SEPTIN11: variants seen among roughly 807,000 people sequenced by gnomAD.
SEPTIN11 encodes septin-11.
SEPTIN11 carries 25 observed loss-of-function variants against 51.4 expected under a neutral mutation model. The observed-to-expected ratio is 0.49, with a 90% CI of 0.35 to 0.68. The LOEUF is 0.68. SEPTIN11 is among the 30% of genes least tolerant of loss of function. SEPTIN11 has a pLI of 0.00. For missense variants in SEPTIN11, 381 were observed against 520.8 expected (o/e 0.73, Z 2.61); for synonymous variants, 174 against 184.1 (o/e 0.95, Z 0.44).
chr4:76,974,525 T>C (rs2109906200), intron 1 of SEPTIN11: 1 of 322,710 alleles, frequency 3.1e-6, no homozygotes, highest in Non-Finnish European at 6.1e-6. Flanking sequence ...TTAAGACCCA[T>C]AGGCTCAGAA....
At chr4:76,980,803 T>G (rs531343210) in intron 1 of SEPTIN11, among the ~76,000 whole-genome samples, 2 of 152,340 alleles carry the variant, frequency 1.3e-5, no homozygotes, top group South Asian at 4.1e-4. Context: ...GATCAGTGCC[T>G]AAGATTTTTG....
chr4:76,950,017 G>T, intron 1 of SEPTIN11, 87 bp downstream of exon 1: 1 of 1,193,204 alleles, frequency 8.4e-7, no homozygotes, highest in Non-Finnish European at 1.0e-6. Flanking sequence ...CAGGGGAGCC[G>T]GGCGGGTGCT....
chr4:76,987,779 C>G, intron 1 of SEPTIN11: 1 of 895,836 alleles, frequency 1.1e-6, no homozygotes, highest in African/African-American at 1.8e-5. Context: ...GTGTGCGAGA[C>G]AGCATGTTCT....
chr4:77,026,669 T>C (rs1274258346), intron 7 of SEPTIN11, among the ~76,000 whole-genome samples: 2 of 152,232 alleles, frequency 1.3e-5, no homozygotes, highest in Non-Finnish European at 2.9e-5. Flanking sequence ...CTTTCGGTGG[T>C]GTTTCTATCA....
chr4:77,027,788 C>G (rs1726283861), intron 7 of SEPTIN11, among the ~76,000 whole-genome samples: 1 of 152,140 alleles, frequency 6.6e-6, no homozygotes, highest in African/African-American at 2.4e-5. Flanking sequence ...TTTTCTTAAG[C>G]TGTGTTACCA....
intron 1 of SEPTIN11, among the ~76,000 whole-genome samples, chr4:76,955,058 T>C (rs1009037252): frequency 6.6e-6 from 1 of 152,196 alleles, no homozygotes; most frequent in Non-Finnish European, 1.5e-5. Context: ...TACCTACTTG[T>C]TTTTGATAAT....
chr4:76,978,190 A>G (rs1453491917), intron 1 of SEPTIN11, among the ~76,000 whole-genome samples: 1 of 152,118 alleles, frequency 6.6e-6, no homozygotes, highest in African/African-American at 2.4e-5. Flanking sequence ...CTTTTCTGTG[A>G]GAAATATAAG....
At chr4:77,016,570 A>T (rs1371140817) in intron 5 of SEPTIN11, among the ~76,000 whole-genome samples, 1 of 141,728 alleles carries the variant, frequency 7.1e-6, no homozygotes, top group African/African-American at 2.6e-5. Flanking sequence ...TATATGCTAA[A>T]ATATATATAT....
Position 77,034,932 on chromosome 4 carries a change from T to G in SEPTIN11, c.*420T>G, listed in dbSNP as rs1726930046. ...ACAAGAGTTTGCATTTTCTTGATGATTCATCTCCATGAGTGCACAATCCCT... is the reference window on the plus strand; with the variant it reads ...ACAAGAGTTTGCATTTTCTTGATGAGTCATCTCCATGAGTGCACAATCCCT... On this transcript the variant is annotated 3_prime_UTR_variant, in exon 10 of 10. Coordinates refer to ENST00000264893, the MANE Select transcript of SEPTIN11 (RefSeq NM_018243.4). The G allele has an allele frequency of 1.9e-5, 19 of 989,538 alleles. No individual in the cohort carries two copies. The highest frequency in any genetic ancestry group is 2.2e-5 in the Non-Finnish European group (18 of 832,624). 61.3% of individuals were successfully genotyped at this position (989,538 alleles called of 1,614,324 possible).
chr4:77,030,405 C>A (rs1726529109), intron 8 of SEPTIN11, among the ~76,000 whole-genome samples: 1 of 151,948 alleles, frequency 6.6e-6, no homozygotes, highest in Non-Finnish European at 1.5e-5. Flanking sequence ...TGTTTGTTTT[C>A]TTTTATTTTC....
intron 1 of SEPTIN11, among the ~76,000 whole-genome samples, chr4:76,965,445 C>T (rs1281741816): frequency 7.2e-6 from 1 of 138,090 alleles, no homozygotes; most frequent in Non-Finnish European, 1.5e-5. Flanking sequence ...AGCCAGACTC[C>T]ATTTCAAAAA....
intron 2 of SEPTIN11, among the ~76,000 whole-genome samples, chr4:77,003,420 G>A (rs546052374): frequency 6.6e-6 from 1 of 152,308 alleles, no homozygotes; most frequent in African/African-American, 2.4e-5. Context: ...TCATGTTCTA[G>A]ACCAGATTCT....
intron 3 of SEPTIN11, among the ~76,000 whole-genome samples, chr4:77,010,748 T>C (rs1401337155): frequency 6.6e-6 from 1 of 152,226 alleles, no homozygotes; most frequent in African/African-American, 2.4e-5. Context: ...ACTTGTATCT[T>C]CGGAAAGGCA....
rs775622982 is a variant in SEPTIN11, at chr4:77,024,198, C to T, written c.953+3528C>T. Among the ~76,000 whole-genome samples, 23 of 152,302 alleles carry T rather than the reference C, an allele frequency of 1.5e-4. No homozygotes were observed. Among genetic ancestry groups the T allele is most frequent in the Non-Finnish European group, 2.9e-4 (20 of 68,018 alleles). ...GTATTCAAGCCTTGGCAGCACACCA[C>T]GGCAGTAAAGCTAGCGGAGCCCGTC... On this transcript the variant is annotated intron_variant, in intron 7 of 9. Transcript: ENST00000264893. The surrounding 1 kb of genome is among the most constrained non-coding windows in gnomAD (Gnocchi z 4.2).
chr4:76,965,778 G>T (rs1722011981), intron 1 of SEPTIN11, among the ~76,000 whole-genome samples: 1 of 152,078 alleles, frequency 6.6e-6, no homozygotes, highest in African/African-American at 2.4e-5. Context: ...TTTCTCTCAT[G>T]ACAGAGTGCA....
rs1727164809 is a variant in SEPTIN11 at position 77,038,211 on chromosome 4, GAATTTTTTAAAT to G, written c.*3702_*3713del. The G allele has an allele frequency of 2.0e-6, 2 of 985,448 alleles. No homozygotes were observed. Among genetic ancestry groups the G allele is most frequent in the African/African-American group, 3.5e-5 (2 of 57,204 alleles). The allele number at this position is 985,448 out of a possible 1,614,324, so 61.0% of individuals were successfully genotyped here. A position where few individuals can be genotyped will look rare whatever the true frequency, so the allele number is the denominator to read the frequency against. Reference sequence around the variant, plus strand: ...TCTAGTTTGTATGTAGGTATGAAGGGAATTTTTTAAATAAATTGAAAAGCTGTGAACAGCATT... The same window carrying G: ...TCTAGTTTGTATGTAGGTATGAAGGGAAATTGAAAAGCTGTGAACAGCATT... On this transcript the variant is annotated 3_prime_UTR_variant, in exon 10 of 10. Coordinates refer to ENST00000264893, the MANE Select transcript of SEPTIN11 (RefSeq NM_018243.4).
At chr4:76,996,731 G>A (rs1723743706) in intron 2 of SEPTIN11, among the ~76,000 whole-genome samples, 192 bp downstream of exon 2, 1 of 152,114 alleles carries the variant, frequency 6.6e-6, no homozygotes, top group African/African-American at 2.4e-5. Context: ...AGGTAAATGC[G>A]TTGTATGTTT....
At chr4:76,977,849 GT>G (rs1342410938) in intron 1 of SEPTIN11, among the ~76,000 whole-genome samples, 2 of 151,212 alleles carry the variant, frequency 1.3e-5, no homozygotes, top group African/African-American at 4.9e-5. Context: ...TTATTTGTTT[GT>G]TTGTTTTTGG....
In SEPTIN11 at chr4:76,949,825, A is replaced by C. The variant is rs574339530; in HGVS notation, c.-79A>C. The C allele has an allele frequency of 1.3e-4, 182 of 1,451,618 alleles. No homozygotes were observed. The African/African-American group carries it at 2.3e-3, about 18-fold the overall frequency. 89.9% of individuals were successfully genotyped at this position (1,451,618 alleles called of 1,614,324 possible). ...CCGCGAGGGAGGCGCGAGGGAGGCG[A>C]GCCGGAGCCCGAGCACTAGCAGCAG... is the stretch of plus-strand genomic sequence containing the variant. On this transcript the variant is annotated 5_prime_UTR_variant, in exon 1 of 10. Coordinates refer to ENST00000264893, the MANE Select transcript of SEPTIN11 (RefSeq NM_018243.4).
Sources: gnomAD v4.1 joint callset for allele counts (sites outside exome capture counted in the v4.1 genomes callset) on GRCh38, gnomAD v4.1.1 for gene constraint, Gnocchi (gnomAD v3.1) non-coding constraint, MANE v1.5 for transcripts, NCBI Gene and HGNC (gene_info 2026-07-23, HGNC 2026-07-21) for gene names.